Variants in ZGRF1 observed in about 807,000 individuals in gnomAD.
ZGRF1 encodes 5'-3' DNA helicase ZGRF1.
Under a neutral mutation model 203.5 loss-of-function variants are expected in ZGRF1, and 196 were observed. The observed-to-expected ratio is 0.96, with a 90% CI of 0.86 to 1.08. The LOEUF is 1.08. Ranked by LOEUF, ZGRF1 falls within the 50% of genes least tolerant of loss-of-function variation. The pLI, the probability that ZGRF1 is intolerant of heterozygous loss-of-function variation, is 0.00. For synonymous variants in ZGRF1, 809 were observed against 841.3 expected, an observed-to-expected ratio of 0.96 and a Z score of 0.66; for missense variants, 2,326 against 2,416.3, an observed-to-expected ratio of 0.96 and a Z score of 0.78.
chr4:112,558,507 A>G (rs746341389), intron 19 of ZGRF1, among the ~76,000 whole-genome samples, 198 bp from the exon 20 acceptor site: 4 of 152,144 alleles, frequency 2.6e-5, no homozygotes, highest in Non-Finnish European at 5.9e-5. Context: ...AGCTGGGATT[A>G]CCGGCGTGCA....
chr4:112,562,525 A>C, intron 17 of ZGRF1, 40 bp from the exon 18 acceptor site: 1 of 1,195,576 alleles, frequency 8.4e-7, no homozygotes, highest in Non-Finnish European at 1.2e-6. Flanking sequence ...TGATGTAAAT[A>C]AAATGGACCA....
intron 3 of ZGRF1, chr4:112,629,829 G>C (rs1000370136): frequency 1.1e-5 from 2 of 182,762 alleles, no homozygotes; most frequent in African/African-American, 4.8e-5. Context: ...GACCAGCCTG[G>C]CCAACATGGT....
chr4:112,629,682 AC>A (rs760711588), intron 3 of ZGRF1: 2 of 152,712 alleles, frequency 1.3e-5, no homozygotes, highest in Non-Finnish European at 2.9e-5. Flanking sequence ...AGACAAACAA[AC>A]AAAAAAAAAC....
At chr4:112,543,191 G>A (rs749341553) in intron 24 of ZGRF1, among the ~76,000 whole-genome samples, 2 of 151,836 alleles carry the variant, frequency 1.3e-5, no homozygotes, top group Non-Finnish European at 2.9e-5. Flanking sequence ...TTTTTTGTTA[G>A]ATAAAATATG....
chr4:112,584,018 G>C lies in ZGRF1; in HGVS notation c.4258C>G (p.Gln1420Glu). 6.2e-7 allele frequency: 1 copy of C among 1,610,350 alleles called. No homozygotes were observed. Among genetic ancestry groups the C allele is most frequent in the Non-Finnish European group, 8.5e-7 (1 of 1,178,852 alleles). Reference sequence around the variant, plus strand: ...CATTCCTCATAAAGTGGTATCTTTTGACTTCTTAAATATAAGCCAATACTC... The same window carrying C: ...CATTCCTCATAAAGTGGTATCTTTTCACTTCTTAAATATAAGCCAATACTC... ...IKSIGLYLRS[Q>E]KIPLYEECQL... Residue 1420 changes from glutamine to glutamate, a missense_variant, in exon 15 of 28, where the codon CAA becomes GAA. Coordinates refer to ENST00000505019, the MANE Select transcript of ZGRF1 (RefSeq NM_018392.5).
intron 10 of ZGRF1, among the ~76,000 whole-genome samples, chr4:112,599,385 T>TA (rs566531719): frequency 1.3e-5 from 2 of 151,906 alleles, no homozygotes; most frequent in South Asian, 2.1e-4. Context: ...TATGCAAATG[T>TA]AAAAAAATGA....
At position 112,618,420 on chromosome 4, in the gene ZGRF1, T is replaced by C. The variant is rs569890103; in HGVS notation, c.1622A>G (p.Asp541Gly). The change falls in exon 6 of 28, where the codon GAC (aspartate) becomes GGC (glycine). Residue 541 changes from aspartate to glycine, a missense_variant. Asp to Gly is a moderately conservative substitution (Grantham distance 94). Coordinates refer to ENST00000505019, the MANE Select transcript of ZGRF1 (RefSeq NM_018392.5). Reference protein sequence around the residue: ...TFNLNNFETSDTEEESQESNK... With the variant: ...TFNLNNFETSGTEEESQESNK... ...GCTTTCCTGTGATTCCTCCTCAGTG[T>C]CACTGGTCTCAAAATTGTTCAGATT... 32 of 1,613,892 alleles carry C rather than the reference T, an allele frequency of 2.0e-5. No individual in the cohort carries two copies. The East Asian group carries it at 6.7e-4, about 34-fold the overall frequency.
chr4:112,547,319 A>C lies in ZGRF1; in HGVS notation c.5564T>G (p.Leu1855Trp). 6.2e-7 allele frequency: 1 copy of C among 1,613,590 alleles called. No individual in the cohort carries two copies. The highest frequency in any genetic ancestry group is 2.2e-5 in the East Asian group (1 of 44,854). ...QGSDAAHENG[L>W]EQTLFDRLCL... ...AAGTCGATCAAAAAGAGTTTGTTCC[A>C]ATCCATTTTCATGAGCTGCATCAGA... The change falls in exon 24 of 28, where the codon TTG (leucine) becomes TGG (tryptophan). Residue 1855 changes from leucine to tryptophan, a missense_variant. Transcript: ENST00000505019.
intron 22 of ZGRF1, among the ~76,000 whole-genome samples, chr4:112,548,724 A>G (rs552487201): frequency 1.3e-5 from 2 of 151,780 alleles, no homozygotes; most frequent in Non-Finnish European, 2.9e-5. Context: ...AACATACATT[A>G]TATCAACACA....
At chr4:112,621,253 CATT>C (rs1309775220) in intron 4 of ZGRF1, among the ~76,000 whole-genome samples, 2 of 152,088 alleles carry the variant, frequency 1.3e-5, no homozygotes, top group African/African-American at 4.8e-5. Context: ...ACAAATTAAA[CATT>C]ATTATAAATC....
intron 1 of ZGRF1, among the ~76,000 whole-genome samples, chr4:112,634,109 A>G (rs1047580856): frequency 1.3e-5 from 2 of 152,250 alleles, no homozygotes; most frequent in Non-Finnish European, 2.9e-5. Flanking sequence ...CATATTATTT[A>G]TAAGTTACAT....
At position 112,585,578 on chromosome 4, in the gene ZGRF1, G is replaced by T. The variant is rs753616003; in HGVS notation, c.4064C>A (p.Ala1355Glu). ...TTCCTTTTTAACCATGACAAGTTTT[G>T]CAGGTTGACTATGATGGCAGGATGG... Reference protein sequence around the residue: ...NVPSCHHSQPAKLVMVKKEGP... With the variant: ...NVPSCHHSQPEKLVMVKKEGP... The change falls in exon 14 of 28, where the codon GCA (alanine) becomes GAA (glutamate). Residue 1355 changes from alanine (A) to glutamate (E), a missense_variant. Transcript: ENST00000505019. The T allele has an allele frequency of 1.2e-6, 2 of 1,611,770 alleles. No homozygotes were observed. The highest frequency in any genetic ancestry group is 2.2e-5 in the South Asian group (2 of 90,568).
chr4:112,618,073 C>G lies in ZGRF1; in HGVS notation c.1969G>C (p.Asp657His), dbSNP rs905320482. The G allele has an allele frequency of 6.2e-7, 1 of 1,613,806 alleles. No homozygotes were observed. Among genetic ancestry groups the G allele is most frequent in the Non-Finnish European group, 8.5e-7 (1 of 1,179,900 alleles). ...SFKWTDAVYG[D>H]NKEDANKPIQ... is the part of the protein sequence containing the mutation. ...GGTTTATTAGCATCTTCTTTATTAT[C>G]TCCGTATACAGCATCAGTCCACTTG... Residue 657 changes from aspartate (D) to histidine (H), a missense_variant, in exon 6 of 28, where the codon GAT (aspartate) becomes CAT (histidine). Asp to His is a moderately conservative substitution (Grantham distance 81). Transcript: ENST00000505019.
chr4:112,587,356 T>C lies in ZGRF1; in HGVS notation c.3701A>G (p.Gln1234Arg). Residue 1234 changes from glutamine to arginine, a missense_variant, in exon 12 of 28, where the codon CAG becomes CGG. Transcript: ENST00000505019. The stretch of plus-strand genomic sequence containing the variant: ...TTTAATTTCCTCTGTCTTAGAAGTC[T>C]GCTTTAAATTCAGAGAAAGTACTTT... ...RKKVLSLNLK[Q>R]TSKTEEIKNV... 6.2e-7 allele frequency: 1 copy of C among 1,613,828 alleles called. No individual in the cohort carries two copies. Among genetic ancestry groups the C allele is most frequent in the Non-Finnish European group, 8.5e-7 (1 of 1,179,788 alleles).
intron 7 of ZGRF1, among the ~76,000 whole-genome samples, 189 bp from the exon 8 acceptor site, chr4:112,609,618 CAACATGGTGA>C (rs949113897): frequency 6.0e-5 from 9 of 150,646 alleles, no homozygotes; most frequent in African/African-American, 2.2e-4. Flanking sequence ...CCACCCTGGC[CAACATGGTGA>C]AACCCTGTCT....
chr4:112,564,641 T>C (rs1742661677), intron 16 of ZGRF1, among the ~76,000 whole-genome samples: 1 of 152,204 alleles, frequency 6.6e-6, no homozygotes, highest in Non-Finnish European at 1.5e-5. Flanking sequence ...TATTTCTTTA[T>C]ACCTTCATTT....
chr4:112,548,490 T>A, intron 22 of ZGRF1, 110 bp from the exon 23 acceptor site: 1 of 745,752 alleles, frequency 1.3e-6, no homozygotes, highest in Non-Finnish European at 2.0e-6. Flanking sequence ...AGTCCTAATT[T>A]AATTCCTAGC....
intron 16 of ZGRF1, among the ~76,000 whole-genome samples, chr4:112,576,128 G>A (rs1387342970): frequency 5.3e-5 from 8 of 152,174 alleles, no homozygotes; most frequent in African/African-American, 1.9e-4. Flanking sequence ...ACCAATATCC[G>A]CTGTTCTGCA....
intron 16 of ZGRF1, among the ~76,000 whole-genome samples, chr4:112,568,723 A>AG (rs1280547716): frequency 7.0e-6 from 1 of 143,632 alleles, no homozygotes; most frequent in African/African-American, 2.6e-5. Context: ...AAAAAAAAAA[A>AG]AAAAAAAAAA....
Sources: gnomAD v4.1 joint callset for allele counts (sites outside exome capture counted in the v4.1 genomes callset) on GRCh38, gnomAD v4.1.1 for gene constraint, MANE v1.5 for transcripts, NCBI Gene and HGNC (gene_info 2026-07-23, HGNC 2026-07-21) for gene names.